Variants in SPPL2B observed in about 807,000 individuals in gnomAD.
SPPL2B encodes signal peptide peptidase-like 2B.
A neutral mutation model predicts 59.7 loss-of-function variants in SPPL2B; 39 were observed. The observed-to-expected ratio is 0.65, with a 90% CI of 0.51 to 0.85. The LOEUF (loss-of-function observed/expected upper bound fraction) is 0.85. SPPL2B is among the 40% of genes least tolerant of loss of function. The pLI, the probability that SPPL2B is intolerant of heterozygous loss-of-function variation, is 0.00. For missense variants in SPPL2B, 865 were observed against 849.0 expected (o/e 1.02, Z -0.23); for synonymous variants, 419 against 370.8 (o/e 1.13, Z -1.49).
chr19:2,345,396 T>G (rs1969308306), intron 13 of SPPL2B, 66 bp downstream of exon 13: 1 of 1,404,128 alleles, frequency 7.1e-7, no homozygotes, highest in South Asian at 1.2e-5. Context: ...TTAGCCTCTG[T>G]CCTGACCCTG....
chr19:2,338,497 G>A (rs1968791841), intron 3 of SPPL2B: 3 of 453,732 alleles, frequency 6.6e-6, no homozygotes, highest in Non-Finnish European at 1.2e-5. Flanking sequence ...CCACGGCCGA[G>A]GGAGGGATTA....
chr19:2,329,915 C>T (rs8106339), intron 1 of SPPL2B, among the ~76,000 whole-genome samples: 9,364 of 152,110 alleles, frequency 0.062, 473 homozygotes, highest in East Asian at 0.23. Flanking sequence ...CGGGCCCCCT[C>T]GGAAGCTTTC....
In SPPL2B at chr19:2,353,227, C is replaced by T. The variant is rs765174980; in HGVS notation, c.*18C>T. On this transcript the variant is annotated 3_prime_UTR_variant, in exon 15 of 15. Transcript: ENST00000613503. ...CGGCCTAGGGGAGGGGTGAGACGCTCGCTGCCGTGCCCGCCACACCAAGAT... is the reference window on the plus strand; with the variant it reads ...CGGCCTAGGGGAGGGGTGAGACGCTTGCTGCCGTGCCCGCCACACCAAGAT... 31 of 1,553,194 alleles carry T rather than the reference C, an allele frequency of 2.0e-5. No individual in the cohort carries two copies. Among genetic ancestry groups the T allele is most frequent in the Non-Finnish European group, 2.3e-5 (27 of 1,159,382 alleles).
chr19:2,346,893 G>A (rs1969397688), intron 13 of SPPL2B, among the ~76,000 whole-genome samples: 1 of 152,220 alleles, frequency 6.6e-6, no homozygotes, highest in African/African-American at 2.4e-5. Context: ...CCGTGGCATG[G>A]CGTCAGAAAT....
intron 2 of SPPL2B, chr19:2,337,233 C>T (rs916245332): frequency 2.5e-5 from 12 of 489,362 alleles, no homozygotes; most frequent in Admixed American, 1.2e-4. Context: ...ACTCCGGCCC[C>T]GCTCAGATGA....
chr19:2,347,877 G>A (rs1231390904), intron 13 of SPPL2B, among the ~76,000 whole-genome samples: 1 of 25,524 alleles, frequency 3.9e-5, no homozygotes. Context: ...GCCTGATTCC[G>A]TTCTCTCTCC....
chr19:2,341,076 T>A, intron 8 of SPPL2B, 62 bp downstream of exon 8: 5 of 1,217,662 alleles, frequency 4.1e-6, no homozygotes, highest in South Asian at 1.2e-5. Context: ...CCAGGGCTCC[T>A]GGGGCCCTGA....
In SPPL2B at chr19:2,353,570, G is replaced by A. The variant is rs1208971817; in HGVS notation, c.*361G>A. 4.0e-6 allele frequency: 1 copy of A among 249,292 alleles called. No homozygotes were observed. The highest frequency in any genetic ancestry group is 5.0e-5 in the Admixed American group (1 of 19,844). The allele number at this position is 249,292 out of a possible 1,614,324, so 15.4% of individuals were successfully genotyped here. ...GTGGACTCTGGCCGCGGCCACACTT[G>A]GTGCTCACCAGCTGCTTCGGCCTTC... is the stretch of plus-strand genomic sequence containing the variant. On this transcript the variant is annotated 3_prime_UTR_variant, in exon 15 of 15. Transcript: ENST00000613503.
At chr19:2,341,106 G>A (rs1242476325) in intron 8 of SPPL2B, 92 bp downstream of exon 8, 9 of 856,224 alleles carry the variant, frequency 1.1e-5, no homozygotes, top group Non-Finnish European at 1.7e-5. Flanking sequence ...CTCCCTGGAG[G>A]CCGCCCCAGC....
intron 9 of SPPL2B, among the ~76,000 whole-genome samples, chr19:2,343,649 C>T (rs543398772): frequency 1.3e-5 from 2 of 152,236 alleles, no homozygotes; most frequent in Non-Finnish European, 2.9e-5. Flanking sequence ...CCCCACAGCA[C>T]CCCAAGCAAG....
rs568938777 is a variant in SPPL2B at position 2,344,702 on chromosome 19, G to A, written c.1276+50G>A. On this transcript the variant is annotated intron_variant, in intron 12 of 14. Coordinates refer to ENST00000613503, the MANE Select transcript of SPPL2B (RefSeq NM_152988.3). ...GGTCCACGCTGTGGGGCAGGGCCCC[G>A]GGCGGCTGAGGTTTGCCTTTGGGAG... The A allele has an allele frequency of 5.9e-5, 73 of 1,237,796 alleles. 1 individual carries two copies. Among genetic ancestry groups the A allele is most frequent in the Middle Eastern group, 2.1e-4 (1 of 4,702 alleles). 76.7% of individuals were successfully genotyped at this position (1,237,796 alleles called of 1,614,324 possible).
intron 13 of SPPL2B, among the ~76,000 whole-genome samples, chr19:2,348,705 T>TCTCC (rs1555756881): frequency 4.0e-4 from 31 of 78,092 alleles, no homozygotes; most frequent in African/African-American, 2.0e-3. Context: ...TTCCGTTCTC[T>TCTCC]CTCCACACAC....
At chr19:2,348,228 C>T (rs1296447341) in intron 13 of SPPL2B, among the ~76,000 whole-genome samples, 1 of 120,722 alleles carries the variant, frequency 8.3e-6, no homozygotes, top group Non-Finnish European at 1.7e-5. Context: ...CACTCTCATT[C>T]GCCTGATTCC....
intron 13 of SPPL2B, among the ~76,000 whole-genome samples, chr19:2,351,183 C>A (rs1358334526): frequency 6.6e-6 from 1 of 152,230 alleles, no homozygotes; most frequent in African/African-American, 2.4e-5. Context: ...CCTCTCCTTG[C>A]CCTGGCCCTT....
chr19:2,343,853 G>A lies in SPPL2B; in HGVS notation c.1039-112G>A, dbSNP rs943949412. 4 of 789,680 alleles carry A rather than the reference G, an allele frequency of 5.1e-6. No homozygotes were observed. In the African/African-American group the frequency reaches 5.1e-5, roughly 10 times the overall value. The allele number at this position is 789,680 out of a possible 1,614,324, so 48.9% of individuals were successfully genotyped here. ...GCGTCCCTGGCACTGGGCACGCTCT[G>A]CTCAGGTTCCTTTAAAGGCTGCCTC... On this transcript the variant is annotated intron_variant, in intron 9 of 14. Transcript: ENST00000613503.
At chr19:2,347,243 T>C (rs977243213) in intron 13 of SPPL2B, among the ~76,000 whole-genome samples, 284 of 116,220 alleles carry the variant, frequency 2.4e-3, no homozygotes, top group South Asian at 3.5e-3. Context: ...TCTCATTCGC[T>C]TGATGCCGTT....
chr19:2,339,369 T>G (rs1968874082), intron 5 of SPPL2B, among the ~76,000 whole-genome samples, 161 bp downstream of exon 5: 1 of 152,182 alleles, frequency 6.6e-6, no homozygotes, highest in South Asian at 2.1e-4. Context: ...TGGGACAGAA[T>G]CAGTCTCTTT....
chr19:2,339,306 T>C, intron 5 of SPPL2B, 98 bp downstream of exon 5: 1 of 1,398,542 alleles, frequency 7.2e-7, no homozygotes, highest in Non-Finnish European at 9.7e-7. Context: ...TGCTTTGGCC[T>C]CGGCAGGCAC....
At chr19:2,350,929 G>A (rs932252824) in intron 13 of SPPL2B, among the ~76,000 whole-genome samples, 1 of 152,220 alleles carries the variant, frequency 6.6e-6, no homozygotes, top group East Asian at 1.9e-4. Context: ...CTGGGGGCAC[G>A]GCCCCGGTGG....
Sources: allele counts gnomAD v4.1 joint callset (sites outside exome capture counted in the v4.1 genomes callset), GRCh38; gene constraint gnomAD v4.1.1; transcripts MANE v1.5; gene names NCBI Gene and HGNC (gene_info 2026-07-23, HGNC 2026-07-21).